Variants in ARHGEF17 observed in about 807,000 individuals in gnomAD.
The protein encoded by ARHGEF17 is Rho guanine nucleotide exchange factor 17.
A neutral mutation model predicts 174.0 loss-of-function variants in ARHGEF17; 80 were observed. The ratio of observed to expected loss-of-function variants is 0.46; its 90% CI spans 0.38 to 0.55. ARHGEF17 has a LOEUF of 0.55. Ranked by LOEUF, ARHGEF17 falls within the 20% of genes least tolerant of loss-of-function variation. The pLI, the probability that ARHGEF17 is intolerant of heterozygous loss-of-function variation, is 0.00. For missense variants in ARHGEF17, 2,886 were observed against 2,839.7 expected (o/e 1.02, Z -0.37); for synonymous variants, 1,311 against 1,189.1 (o/e 1.10, Z -2.11).
intron 1 of ARHGEF17, among the ~76,000 whole-genome samples, chr11:73,329,353 A>C (rs865833207): frequency 6.6e-5 from 2 of 30,530 alleles, no homozygotes; most frequent in Non-Finnish European, 1.1e-4. Context: ...ATATATATAT[A>C]TATATATATA....
rs138410023 is a variant in ARHGEF17 at position 73,310,417 on chromosome 11, G to A, written c.1779G>A (p.Gln593=). 2.0e-5 allele frequency: 33 copies of A among 1,613,892 alleles called. No individual in the cohort carries two copies. The highest frequency in any genetic ancestry group is 2.8e-5 in the Non-Finnish European group (33 of 1,180,044). Residue 593 remains glutamine (Q), a synonymous_variant, in exon 1 of 21, where the codon CAG becomes CAA. Coordinates refer to ENST00000263674, the MANE Select transcript of ARHGEF17 (RefSeq NM_014786.4). ...LPLIVQDQYV[Q]EARQVFEKIQ... ...TCATCGTCCAGGACCAATATGTGCA[G>A]GAGGCCCGCCAGGTTTTTGAGAAGA...
intron 1 of ARHGEF17, among the ~76,000 whole-genome samples, chr11:73,338,590 C>T (rs367953041): frequency 6.6e-6 from 1 of 152,092 alleles, no homozygotes; most frequent in East Asian, 1.9e-4. Context: ...CTGTGGATGG[C>T]AGTTTGTTTA....
chr11:73,328,684 C>CA (rs935520110), intron 1 of ARHGEF17, among the ~76,000 whole-genome samples: 4 of 152,224 alleles, frequency 2.6e-5, no homozygotes, highest in African/African-American at 9.6e-5. Flanking sequence ...AAAGCAAAGA[C>CA]AAAGGCTCCA....
At position 73,308,918 on chromosome 11, in the gene ARHGEF17, C is replaced by G; in HGVS notation, c.280C>G (p.Leu94Val). The change falls in exon 1 of 21, where the codon CTG becomes GTG. Residue 94 changes from leucine to valine, a missense_variant. Physicochemically the swap from Leu to Val is conservative, Grantham distance 32. Coordinates refer to ENST00000263674, the MANE Select transcript of ARHGEF17 (RefSeq NM_014786.4). Reference protein sequence around the residue: ...QLSRRFDAPRLDDGSAGTRDG... With the variant: ...QLSRRFDAPRVDDGSAGTRDG... Reference sequence around the variant, plus strand: ...CTCCCGGCGCTTCGACGCGCCGCGTCTGGACGACGGCTCCGCTGGGACCCG... The same window carrying G: ...CTCCCGGCGCTTCGACGCGCCGCGTGTGGACGACGGCTCCGCTGGGACCCG... The G allele has an allele frequency of 7.3e-7, 1 of 1,366,554 alleles. No individual in the cohort carries two copies. The highest frequency in any genetic ancestry group is 9.4e-7 in the Non-Finnish European group (1 of 1,066,220). 84.7% of individuals were successfully genotyped at this position (1,366,554 alleles called of 1,614,324 possible).
Position 73,309,987 on chromosome 11 carries a change from G to T in ARHGEF17, c.1349G>T (p.Gly450Val), listed in dbSNP as rs3741150. The change falls in exon 1 of 21, where the codon GGA (glycine) becomes GTA (valine). Residue 450 changes from glycine to valine, a missense_variant. Gly to Val is a moderately radical substitution (Grantham distance 109, BLOSUM62 -3). Transcript: ENST00000263674. ...ACCTCTAGGGCATTGAGGGATGGAG[G>T]ATTTGAGCCTGAAAAGAGTCGACAG... is the stretch of plus-strand genomic sequence containing the variant. ...GGTSRALRDG[G>V]FEPEKSRQRK... 3 of 1,613,926 alleles carry T rather than the reference G, an allele frequency of 1.9e-6. No homozygotes were observed. Among genetic ancestry groups the T allele is most frequent in the Non-Finnish European group, 2.5e-6 (3 of 1,180,016 alleles).
Position 73,310,452 on chromosome 11 carries a change from T to G in ARHGEF17, c.1814T>G (p.Met605Arg), listed in dbSNP as rs200638279. ...CAGGTTTTTGAGAAGATCCAGCGCA[T>G]GGGTGCCCAACAAGATGATGGAAGC... ...ARQVFEKIQR[M>R]GAQQDDGSDA... Residue 605 changes from methionine to arginine, a missense_variant, in exon 1 of 21, where the codon ATG (methionine) becomes AGG (arginine). By Grantham distance (91) the Met-to-Arg change is moderately conservative. Around this residue, in one of 4 missense-constraint regions of ARHGEF17, gnomAD observed 1,728 missense variants for 1,461.2 expected, o/e 1.18. Transcript: ENST00000263674. The G allele has an allele frequency of 3.7e-6, 6 of 1,613,990 alleles. No homozygotes were observed. In the East Asian group the frequency reaches 6.7e-5, roughly 18 times the overall value.
rs1404347992 is a variant in ARHGEF17, at chr11:73,331,029, C to T, written c.3193-15854C>T. Among the ~76,000 whole-genome samples the T allele has an allele frequency of 3.3e-5, 5 of 152,314 alleles. No homozygotes were observed. In the East Asian group the frequency reaches 7.7e-4, roughly 23 times the overall value. On this transcript the variant is annotated intron_variant, in intron 1 of 20. Transcript: ENST00000263674. The stretch of plus-strand genomic sequence containing the variant: ...TTACCTGCTGTCTCAGCACTGTGGG[C>T]CCAGCTATTACCATTCTTGGGGATC...
At chr11:73,352,279 G>A (rs1303884751) in intron 2 of ARHGEF17, among the ~76,000 whole-genome samples, 1 of 152,126 alleles carries the variant, frequency 6.6e-6, no homozygotes, top group African/African-American at 2.4e-5. Context: ...AGTTGAGATC[G>A]CACCACCGCA....
rs369490617 is a variant in ARHGEF17 at position 73,311,533 on chromosome 11, A to G, written c.2895A>G (p.Thr965=). 47 of 1,613,346 alleles carry G rather than the reference A, an allele frequency of 2.9e-5. 1 individual carries two copies. In the South Asian group the frequency reaches 4.9e-4, roughly 17 times the overall value. The part of the protein sequence containing the change: ...RHVRHASVPA[T]FMPIVVPEPP... ...TTCGCCATGCCAGTGTGCCCGCCAC[A>G]TTTATGCCTATTGTGGTGCCTGAGC... Residue 965 remains threonine, a synonymous_variant, in exon 1 of 21, where the codon ACA becomes ACG. Coordinates refer to ENST00000263674, the MANE Select transcript of ARHGEF17 (RefSeq NM_014786.4).
intron 20 of ARHGEF17, 102 bp downstream of exon 20, chr11:73,366,049 A>T: frequency 6.9e-7 from 1 of 1,446,030 alleles, no homozygotes. Flanking sequence ...GAAAAGTGTC[A>T]CATAGAGCTG....
At chr11:73,333,901 C>T (rs1865248185) in intron 1 of ARHGEF17, among the ~76,000 whole-genome samples, 1 of 152,236 alleles carries the variant, frequency 6.6e-6, no homozygotes, top group African/African-American at 2.4e-5. Context: ...GGTCCCTTCT[C>T]TGCCTCCCTC....
Position 73,311,774 on chromosome 11 carries a change from G to C in ARHGEF17, c.3136G>C (p.Ala1046Pro). 1 of 1,612,162 alleles carries C rather than the reference G, an allele frequency of 6.2e-7. No homozygotes were observed. The highest frequency in any genetic ancestry group is 1.1e-5 in the South Asian group (1 of 91,038). ...PSAEAKPPEA[A>P]RPADEPTPAS... ...TGCTGAGGCCAAGCCCCCTGAGGCA[G>C]CTCGGCCTGCAGATGAGCCTACCCC... The change falls in exon 1 of 21, where the codon GCT (alanine) becomes CCT (proline). Residue 1046 changes from alanine to proline, a missense_variant. Coordinates refer to ENST00000263674, the MANE Select transcript of ARHGEF17 (RefSeq NM_014786.4).
At chr11:73,353,146 G>T in intron 3 of ARHGEF17, 134 bp downstream of exon 3, 1 of 1,215,596 alleles carries the variant, frequency 8.2e-7, no homozygotes, top group African/African-American at 1.5e-5. Flanking sequence ...ATAGAACTTG[G>T]CTAGACATTG....
At chr11:73,320,923 A>G (rs1170329102) in intron 1 of ARHGEF17, among the ~76,000 whole-genome samples, 1 of 152,084 alleles carries the variant, frequency 6.6e-6, no homozygotes, top group Non-Finnish European at 1.5e-5. Flanking sequence ...TGGCCTCCCA[A>G]AGTGCTGGGA....
At chr11:73,360,658 G>A (rs1475444656) in intron 11 of ARHGEF17, 125 bp downstream of exon 11, 2 of 991,038 alleles carry the variant, frequency 2.0e-6, no homozygotes, top group East Asian at 2.5e-5. Context: ...GCTCCACCTG[G>A]TGGGGAGGGG....
chr11:73,363,141 T>C, intron 14 of ARHGEF17, 65 bp from the exon 15 acceptor site: 3 of 1,464,240 alleles, frequency 2.0e-6, no homozygotes, highest in Non-Finnish European at 2.7e-6. Context: ...ATGCATGGCC[T>C]AGAAAGATAT....
At chr11:73,353,799 A>G (rs1176170857) in intron 3 of ARHGEF17, among the ~76,000 whole-genome samples, 3 of 152,244 alleles carry the variant, frequency 2.0e-5, no homozygotes, top group African/African-American at 7.2e-5. Context: ...GAACATCGAA[A>G]GCAAAACCAA....
chr11:73,312,207 T>C (rs1864850369), intron 1 of ARHGEF17, among the ~76,000 whole-genome samples: 1 of 152,220 alleles, frequency 6.6e-6, no homozygotes, highest in African/African-American at 2.4e-5. Flanking sequence ...GGCTCAGTCC[T>C]TTCTCTGAGG....
rs1465950689 is a variant in ARHGEF17, at chr11:73,308,713, C to T, written c.75C>T (p.Gly25=). The change falls in exon 1 of 21, where the codon GGC becomes GGT. Residue 25 remains glycine (G), a synonymous_variant. Coordinates refer to ENST00000263674, the MANE Select transcript of ARHGEF17 (RefSeq NM_014786.4). The part of the protein sequence containing the change: ...SFKLLERWSG[G]PGLREEDTDT... ...AGCTGCTGGAGCGCTGGAGCGGCGG[C>T]CCCGGGCTGAGGGAGGAGGACACGG... 2.0e-6 allele frequency: 3 copies of T among 1,513,612 alleles called. No individual in the cohort carries two copies. Among genetic ancestry groups the T allele is most frequent in the Non-Finnish European group, 2.6e-6 (3 of 1,135,384 alleles). The allele number at this position is 1,513,612 out of a possible 1,614,324, so 93.8% of individuals were successfully genotyped here.
Sources: gnomAD v4.1 joint callset for allele counts (sites outside exome capture counted in the v4.1 genomes callset) on GRCh38, gnomAD v4.1.1 for gene constraint, gnomAD v4.1.1 regional missense constraint, MANE v1.5 for transcripts, NCBI Gene and HGNC (gene_info 2026-07-23, HGNC 2026-07-21) for gene names.